Variants in ETV4 observed in about 807,000 individuals in gnomAD.
ETV4 encodes ETS variant transcription factor 4.
ETV4 carries 42 observed loss-of-function variants against 65.9 expected under a neutral mutation model. The ratio of observed to expected loss-of-function variants is 0.64; its 90% CI spans 0.50 to 0.82. The LOEUF is 0.82. ETV4 is among the 40% of genes least tolerant of loss of function. ETV4 has a pLI of 0.00. For synonymous variants in ETV4, 238 were observed against 260.0 expected (o/e 0.92, Z 0.81); for missense variants, 583 against 630.3 (o/e 0.92, Z 0.80).
At chr17:43,531,169 GT>G (rs1292071963) in intron 8 of ETV4, among the ~76,000 whole-genome samples, 1 of 152,200 alleles carries the variant, frequency 6.6e-6, no homozygotes, top group Non-Finnish European at 1.5e-5. Flanking sequence ...CCCTTGAACG[GT>G]TGTGGGCACC....
rs141658391 is a variant in ETV4 at position 43,533,285 on chromosome 17, C to T, written c.447G>A (p.Ser149=). 1.5e-5 allele frequency: 24 copies of T among 1,613,720 alleles called. No homozygotes were observed. The African/African-American group carries it at 1.9e-4, about 13-fold the overall frequency. The change falls in exon 7 of 13, where the codon TCG becomes TCA. Residue 149 remains serine, a synonymous_variant. Transcript: ENST00000319349. Reference sequence around the variant, plus strand: ...CTGCCCGGGGAAAGGGCTGTAGGGGCGACTGTCCAAGGGCACCAGGGGCAG... The same window carrying T: ...CTGCCCGGGGAAAGGGCTGTAGGGGTGACTGTCCAAGGGCACCAGGGGCAG... The part of the protein sequence containing the change: ...KSPAPGALGQ[S]PLQPFPRAEQ...
In ETV4 at chr17:43,532,881, G is replaced by T; in HGVS notation, c.604C>A (p.Arg202=). 1 of 1,606,878 alleles carries T rather than the reference G, an allele frequency of 6.2e-7. No homozygotes were observed. Among genetic ancestry groups the T allele is most frequent in the Non-Finnish European group, 8.5e-7 (1 of 1,175,506 alleles). Residue 202 remains arginine, a synonymous_variant, in exon 8 of 13, where the codon CGG becomes AGG. Transcript: ENST00000319349. The part of the protein sequence containing the change: ...CHSFTSQGGG[R]EPLPAPYQHQ... ...TGGTAGGGGGCTGGGAGGGGTTCCC[G>T]GCCCCCTCCCTGAGATGTGAAGGAG...
intron 3 of ETV4, 39 bp downstream of exon 3, chr17:43,545,235 G>GTGTGTGTGTCT: frequency 8.1e-7 from 1 of 1,227,418 alleles, no homozygotes; most frequent in Non-Finnish European, 1.2e-6. Flanking sequence ...GTGTGTGTGT[G>GTGTGTGTGTCT]GCGGAGGAGG....
chr17:43,529,200 C>A lies in ETV4; in HGVS notation c.1165G>T (p.Ala389Ser), dbSNP rs747429825. 9 of 1,613,900 alleles carry A rather than the reference C, an allele frequency of 5.6e-6. No homozygotes were observed. The East Asian group carries it at 1.3e-4, about 24-fold the overall frequency. ...RLWGIQKNRP[A>S]MNYDKLSRSL... ...CGGCTCAGCTTGTCGTAATTCATGG[C>A]TGGCCGGTTCTTCTGGATGCCCCAG... The change falls in exon 12 of 13, where the codon GCC becomes TCC. Residue 389 changes from alanine to serine, a missense_variant. Ala to Ser is a moderately conservative substitution (Grantham distance 99). Coordinates refer to ENST00000319349, the MANE Select transcript of ETV4 (RefSeq NM_001079675.5).
At chr17:43,528,820 A>G (rs766208975) in intron 12 of ETV4, 77 bp from the exon 13 acceptor site, 114 of 1,193,952 alleles carry the variant, frequency 9.5e-5, no homozygotes, top group Non-Finnish European at 1.4e-4. Flanking sequence ...GGAGTGGGGA[A>G]TGTGGCCCTT....
rs560866512 is a variant in ETV4 at position 43,528,358 on chromosome 17, C to A, written c.*161G>T. The A allele has an allele frequency of 2.6e-5, 14 of 543,926 alleles. No homozygotes were observed. The highest frequency in any genetic ancestry group is 1.9e-4 in the African/African-American group (10 of 52,878). The allele number at this position is 543,926 out of a possible 1,614,324, so 33.7% of individuals were successfully genotyped here. A position where few individuals can be genotyped will look rare whatever the true frequency, so the allele number is the denominator to read the frequency against. ...CTCCACTTTTCCTTCCCAATGACTC[C>A]GGTGAGCAGCTCAGAGTCTGGGCTA... On this transcript the variant is annotated 3_prime_UTR_variant, in exon 13 of 13. Transcript: ENST00000319349.
At chr17:43,536,626 T>G (rs1971257428) in intron 4 of ETV4, 147 bp from the exon 5 acceptor site, 1 of 650,264 alleles carries the variant, frequency 1.5e-6, no homozygotes, top group South Asian at 1.8e-5. Flanking sequence ...AGAATTGTCT[T>G]GGGCCACACA....
chr17:43,536,366 A>G, intron 5 of ETV4, 60 bp downstream of exon 5: 1 of 1,436,904 alleles, frequency 7.0e-7, no homozygotes, highest in Non-Finnish European at 9.8e-7. Context: ...TCTCTATCCT[A>G]TGACTCACTT....
chr17:43,545,151 G>A, intron 3 of ETV4, 123 bp downstream of exon 3: 3 of 1,294,954 alleles, frequency 2.3e-6, no homozygotes, highest in Non-Finnish European at 3.3e-6. Flanking sequence ...ATCCCTTGGA[G>A]GGCGAGTTTT....
chr17:43,545,989 G>A (rs1464136446), intron 1 of ETV4, 196 bp downstream of exon 1: 7 of 264,776 alleles, frequency 2.6e-5, no homozygotes, highest in Non-Finnish European at 5.0e-5. Context: ...GTACGCGCGC[G>A]CGCGCGGAGG....
At chr17:43,532,606 T>C (rs1321829473) in intron 8 of ETV4, 68 bp downstream of exon 8, 1 of 1,433,464 alleles carries the variant, frequency 7.0e-7, no homozygotes, top group Non-Finnish European at 9.4e-7. Context: ...GTAAAAAAAC[T>C]CGGGAGACAT....
chr17:43,543,504 A>T (rs758361928), intron 4 of ETV4, among the ~76,000 whole-genome samples: 1 of 152,042 alleles, frequency 6.6e-6, no homozygotes. Flanking sequence ...GGAGCTGCCC[A>T]CTGTGGGGAC....
rs1970706969 is a variant in ETV4, at chr17:43,528,614, CTG to C, written c.1358_1359del (p.Thr453SerfsTer8). 1.2e-6 allele frequency: 2 copies of C among 1,614,194 alleles called. No individual in the cohort carries two copies. The highest frequency in any genetic ancestry group is 8.5e-7 in the Non-Finnish European group (1 of 1,180,030). ...CTCTCATCCAAGTGGGACAAAGGGA[CTG>C]TGTCCTCCTCACTGACAGGCCGGTC... is the stretch of plus-strand genomic sequence containing the variant. ...EFDRPVSEED[T>X]VPLSHLDESP... is the part of the protein sequence containing the mutation. On this transcript the variant is annotated frameshift_variant, in exon 13 of 13. Coordinates refer to ENST00000319349, the MANE Select transcript of ETV4 (RefSeq NM_001079675.5). LOFTEE classifies it high-confidence loss of function.
At chr17:43,542,784 C>A (rs1388070969) in intron 4 of ETV4, among the ~76,000 whole-genome samples, 1 of 152,186 alleles carries the variant, frequency 6.6e-6, no homozygotes, top group African/African-American at 2.4e-5. Context: ...CACAGACCCA[C>A]CCACACTACC....
chr17:43,545,154 C>T (rs1971738439), intron 3 of ETV4, 120 bp downstream of exon 3: 1 of 1,284,782 alleles, frequency 7.8e-7, no homozygotes, highest in African/African-American at 1.5e-5. Flanking sequence ...CCTTGGAGGG[C>T]GAGTTTTTTG....
In ETV4 at chr17:43,529,204, C is replaced by T. The variant is rs943137216; in HGVS notation, c.1161G>A (p.Arg387=). 5 of 1,613,904 alleles carry T rather than the reference C, an allele frequency of 3.1e-6. No homozygotes were observed. Among genetic ancestry groups the T allele is most frequent in the Non-Finnish European group, 4.2e-6 (5 of 1,180,002 alleles). The stretch of plus-strand genomic sequence containing the variant: ...TCAGCTTGTCGTAATTCATGGCTGG[C>T]CGGTTCTTCTGGATGCCCCAGAGCC... ...VARLWGIQKN[R]PAMNYDKLSR... Residue 387 remains arginine, a synonymous_variant, in exon 12 of 13, where the codon CGG becomes CGA. Coordinates refer to ENST00000319349, the MANE Select transcript of ETV4 (RefSeq NM_001079675.5).
intron 4 of ETV4, among the ~76,000 whole-genome samples, chr17:43,536,705 G>A (rs1022713522): frequency 9.8e-5 from 15 of 152,372 alleles, no homozygotes; most frequent in African/African-American, 3.4e-4. Context: ...ATCTCATAAT[G>A]TTTTAAGAAA....
At chr17:43,534,135 G>A (rs780742683) in intron 5 of ETV4, 150 bp from the exon 6 acceptor site, 5 of 794,554 alleles carry the variant, frequency 6.3e-6, no homozygotes, top group Non-Finnish European at 9.0e-6. Context: ...GACCCGCAGT[G>A]AGACAAGAAC....
chr17:43,532,443 G>A (rs1169280866), intron 8 of ETV4, among the ~76,000 whole-genome samples: 3 of 151,812 alleles, frequency 2.0e-5, no homozygotes, highest in Admixed American at 6.6e-5. Flanking sequence ...AGGTTGCAGT[G>A]AGCAGAGATC....
Sources: allele counts gnomAD v4.1 joint callset (sites outside exome capture counted in the v4.1 genomes callset), GRCh38; gene constraint gnomAD v4.1.1; transcripts MANE v1.5; gene names NCBI Gene and HGNC (gene_info 2026-07-23, HGNC 2026-07-21).